TRDN: variants seen among roughly 807,000 people sequenced by gnomAD.
TRDN encodes the protein triadin in skeletal muscle.
In TRDN, 161 loss-of-function variants were observed where a neutral mutation model predicts 149.7. That is an observed-to-expected ratio of 1.08 (90% confidence interval 0.95 to 1.23). TRDN has a LOEUF of 1.23. Ranked by LOEUF, TRDN falls within the 50% of genes most tolerant of loss-of-function variation. The pLI is 0.00. For synonymous variants in TRDN, 294 were observed against 250.5 expected (o/e 1.17, Z -1.64); for missense variants, 896 against 823.5 (o/e 1.09, Z -1.08).
chr6:123,605,875 T>C (rs905284637), intron 1 of TRDN, among the ~76,000 whole-genome samples: 1 of 152,152 alleles, frequency 6.6e-6, no homozygotes, highest in African/African-American at 2.4e-5. Flanking sequence ...AAGCCTCCTA[T>C]TTTGTTTTTG....
chr6:123,266,447 G>T (rs62647883), intron 32 of TRDN, among the ~76,000 whole-genome samples: 40,134 of 40,748 alleles, frequency 0.98, 19,856 homozygotes, highest in Middle Eastern at 1. Context: ...ATAATATATA[G>T]ATTATGATAT....
At chr6:123,529,155 T>C in intron 5 of TRDN, 1 of 1,538,844 alleles carries the variant, frequency 6.5e-7, no homozygotes, top group Non-Finnish European at 8.8e-7. Flanking sequence ...AATAGCACAG[T>C]CTGCAAGAAA....
At chr6:123,539,111 A>G (rs913864563) in intron 4 of TRDN, among the ~76,000 whole-genome samples, 2 of 152,188 alleles carry the variant, frequency 1.3e-5, no homozygotes, top group Non-Finnish European at 2.9e-5. Context: ...CTCAAATGTT[A>G]TTAATTTGTC....
intron 12 of TRDN, among the ~76,000 whole-genome samples, chr6:123,421,312 T>G (rs1773888711): frequency 6.6e-6 from 1 of 152,298 alleles, no homozygotes; most frequent in Admixed American, 6.5e-5. Context: ...ACTATTTCTC[T>G]TGGTCTCTTG....
At chr6:123,547,000 C>G (rs559754958) in intron 4 of TRDN, among the ~76,000 whole-genome samples, 1 of 152,028 alleles carries the variant, frequency 6.6e-6, no homozygotes, top group South Asian at 2.1e-4. Flanking sequence ...ATCAATAAAT[C>G]TGACCATGGT....
intron 12 of TRDN, among the ~76,000 whole-genome samples, chr6:123,401,807 T>C (rs1772985075): frequency 6.6e-6 from 1 of 151,656 alleles, no homozygotes; most frequent in African/African-American, 2.4e-5. Context: ...ATTAGCTGGG[T>C]GTGGGGGTGC....
At chr6:123,543,433 C>A in intron 4 of TRDN, among the ~76,000 whole-genome samples, 1 of 152,094 alleles carries the variant, frequency 6.6e-6, no homozygotes, top group Non-Finnish European at 1.5e-5. Flanking sequence ...TCCCAGAAGG[C>A]ATAAAACATG....
intron 14 of TRDN, among the ~76,000 whole-genome samples, chr6:123,383,744 A>T (rs560725521): frequency 1.3e-5 from 2 of 152,264 alleles, no homozygotes; most frequent in South Asian, 4.1e-4. Context: ...ATTAGAAGAA[A>T]ATATGCCAAC....
chr6:123,419,024 G>T (rs1025307047), intron 12 of TRDN, among the ~76,000 whole-genome samples: 3 of 151,932 alleles, frequency 2.0e-5, no homozygotes, highest in Non-Finnish European at 4.4e-5. Flanking sequence ...AGATGAGCAG[G>T]TCTATCTATG....
chr6:123,539,569 C>T (rs1322786511), intron 4 of TRDN, among the ~76,000 whole-genome samples: 1 of 152,158 alleles, frequency 6.6e-6, no homozygotes, highest in Non-Finnish European at 1.5e-5. Context: ...GGAAACAATA[C>T]CAATACCTCC....
intron 2 of TRDN, among the ~76,000 whole-genome samples, chr6:123,563,707 G>C (rs1038019691): frequency 3.9e-5 from 6 of 152,230 alleles, no homozygotes; most frequent in Admixed American, 2.0e-4. Flanking sequence ...GTGGAGAAGA[G>C]ATAATACAGC....
At chr6:123,438,364 A>T (rs1774697616) in intron 11 of TRDN, among the ~76,000 whole-genome samples, 1 of 151,974 alleles carries the variant, frequency 6.6e-6, no homozygotes. Flanking sequence ...ATTTAATAAC[A>T]GTGAAAACAT....
intron 10 of TRDN, among the ~76,000 whole-genome samples, chr6:123,440,340 G>A (rs1222964036): frequency 6.6e-6 from 1 of 152,188 alleles, no homozygotes; most frequent in Non-Finnish European, 1.5e-5. Context: ...GATAGTTTCA[G>A]AGATAGAAAT....
intron 12 of TRDN, among the ~76,000 whole-genome samples, chr6:123,435,799 C>T (rs1774536198): frequency 6.6e-6 from 1 of 152,124 alleles, no homozygotes; most frequent in South Asian, 2.1e-4. Context: ...TGGCTGAGCA[C>T]TGTCCTTGTA....
chr6:123,263,162 A>G (rs962715037), intron 33 of TRDN, among the ~76,000 whole-genome samples: 5 of 152,124 alleles, frequency 3.3e-5, no homozygotes. Flanking sequence ...GTGTTACTCC[A>G]GTGACCACAT....
intron 21 of TRDN, chr6:123,351,087 G>A (rs1780446153): frequency 1.0e-6 from 1 of 984,858 alleles, no homozygotes; most frequent in African/African-American, 1.7e-5. Context: ...CTGTGGCTAT[G>A]AAAACAACCT....
At chr6:123,468,640 T>G (rs1398162163) in intron 9 of TRDN, among the ~76,000 whole-genome samples, 1 of 152,168 alleles carries the variant, frequency 6.6e-6, no homozygotes, top group Non-Finnish European at 1.5e-5. Context: ...GAATTATGAT[T>G]GCATGATGGA....
At chr6:123,554,265 G>A (rs1398006685) in intron 2 of TRDN, among the ~76,000 whole-genome samples, 1 of 152,006 alleles carries the variant, frequency 6.6e-6, no homozygotes, top group East Asian at 1.9e-4. Context: ...CCTTCTGTAT[G>A]GTAGTACTCA....
At position 123,503,793 on chromosome 6, in the gene TRDN, AC is replaced by A. The variant is rs1245560920; in HGVS notation, c.718del (p.Val240TyrfsTer34). ...TTTGGGTTTTGATGGTGTTTTCTGT[AC>A]TTCTTTTACTTTTGCAGCTGTTTGC... ...VKQTAAKVKE[V>X]QKTPSKPKEK... On this transcript the variant is annotated frameshift_variant, in exon 8 of 41. Coordinates refer to ENST00000334268, the MANE Select transcript of TRDN (RefSeq NM_006073.4). LOFTEE classifies it high-confidence loss of function. The A allele has an allele frequency of 6.2e-7, 1 of 1,612,856 alleles. No homozygotes were observed. The highest frequency in any genetic ancestry group is 8.5e-7 in the Non-Finnish European group (1 of 1,179,544).
Sources: allele counts gnomAD v4.1 joint callset (sites outside exome capture counted in the v4.1 genomes callset), GRCh38; gene constraint gnomAD v4.1.1; transcripts MANE v1.5; gene names NCBI Gene and HGNC (gene_info 2026-07-23, HGNC 2026-07-21).